GALNT7: variants seen among roughly 807,000 people sequenced by gnomAD.
GALNT7 encodes N-acetylgalactosaminyltransferase 7.
In GALNT7, 60 loss-of-function variants were observed where a neutral mutation model predicts 82.1. That is an observed-to-expected ratio of 0.73 (90% confidence interval 0.59 to 0.91). The LOEUF is 0.91. Ranked by LOEUF, GALNT7 falls within the 40% of genes least tolerant of loss-of-function variation. The pLI is 0.00. For synonymous variants in GALNT7, 243 were observed against 275.1 expected (o/e 0.88, Z 1.15); for missense variants, 660 against 804.2 (o/e 0.82, Z 2.17).
chr4:173,307,966 A>C (rs1737221882), intron 8 of GALNT7, among the ~76,000 whole-genome samples: 1 of 152,224 alleles, frequency 6.6e-6, no homozygotes, highest in South Asian at 2.1e-4. Context: ...AAGTGATGCC[A>C]GTGTCCTCTA....
chr4:173,173,717 G>A (rs1270222584), intron 1 of GALNT7, among the ~76,000 whole-genome samples: 2 of 152,200 alleles, frequency 1.3e-5, no homozygotes, highest in Non-Finnish European at 2.9e-5. Context: ...GTGAGAAGCT[G>A]TGTGTAAACT....
At chr4:173,275,942 C>T (rs972713036) in intron 2 of GALNT7, among the ~76,000 whole-genome samples, 3 of 152,112 alleles carry the variant, frequency 2.0e-5, no homozygotes, top group African/African-American at 7.2e-5. Flanking sequence ...AAAATGGGTC[C>T]TACCTTCCAA....
intron 1 of GALNT7, among the ~76,000 whole-genome samples, chr4:173,223,551 C>T (rs1419132882): frequency 6.6e-6 from 1 of 152,070 alleles, no homozygotes; most frequent in Non-Finnish European, 1.5e-5. Context: ...TTCCTTCACT[C>T]TTGGAATAAA....
At chr4:173,229,924 C>G (rs572405531) in intron 1 of GALNT7, among the ~76,000 whole-genome samples, 6 of 152,144 alleles carry the variant, frequency 3.9e-5, no homozygotes, top group African/African-American at 1.4e-4. Context: ...AATGCTTTGA[C>G]TGACACATTG....
At chr4:173,283,458 G>A (rs1736189970) in intron 2 of GALNT7, among the ~76,000 whole-genome samples, 1 of 151,902 alleles carries the variant, frequency 6.6e-6, no homozygotes, top group South Asian at 2.1e-4. Context: ...AGACCAACAT[G>A]GCAAAACCCC....
intron 1 of GALNT7, among the ~76,000 whole-genome samples, chr4:173,188,303 A>G (rs1247976246): frequency 6.6e-6 from 1 of 152,142 alleles, no homozygotes; most frequent in Admixed American, 6.5e-5. Flanking sequence ...TGCAGAGCCT[A>G]CCTTTTCAGG....
At chr4:173,173,000 G>T (rs978429654) in intron 1 of GALNT7, among the ~76,000 whole-genome samples, 2 of 152,154 alleles carry the variant, frequency 1.3e-5, no homozygotes, top group African/African-American at 4.8e-5. Flanking sequence ...AGGAGTCCTG[G>T]TGGGGGTCAT....
At chr4:173,307,235 C>T (rs919344620) in intron 8 of GALNT7, among the ~76,000 whole-genome samples, 1 of 152,188 alleles carries the variant, frequency 6.6e-6, no homozygotes, top group African/African-American at 2.4e-5. Flanking sequence ...CGGCAGTGGC[C>T]CTTGTAGAGT....
chr4:173,311,001 C>T (rs760444783), intron 8 of GALNT7, among the ~76,000 whole-genome samples: 39 of 152,166 alleles, frequency 2.6e-4, no homozygotes, highest in Non-Finnish European at 4.0e-4. Flanking sequence ...TGAGCCACCA[C>T]GCCCAGCCTA....
intron 1 of GALNT7, among the ~76,000 whole-genome samples, chr4:173,178,048 T>TGCGC (rs566263598): frequency 0.058 from 6,565 of 113,304 alleles, 165 homozygotes; most frequent in East Asian, 0.13. Flanking sequence ...TGTGTGTGTG[T>TGCGC]GTGTGCGCGC....
chr4:173,313,508 C>T (rs1263716718), intron 8 of GALNT7, among the ~76,000 whole-genome samples: 1 of 149,918 alleles, frequency 6.7e-6, no homozygotes, highest in African/African-American at 2.5e-5. Flanking sequence ...GAAGTTGAAG[C>T]TGCAATGAGC....
At chr4:173,282,455 A>G (rs1439992528) in intron 2 of GALNT7, 1 of 152,082 alleles carries the variant, frequency 6.6e-6, no homozygotes, top group Non-Finnish European at 1.5e-5. Flanking sequence ...CTTTTCAGGC[A>G]GACCGCTTCT....
At chr4:173,232,643 C>G (rs916137148) in intron 1 of GALNT7, among the ~76,000 whole-genome samples, 3 of 152,000 alleles carry the variant, frequency 2.0e-5, no homozygotes, top group South Asian at 4.2e-4. Flanking sequence ...TCTATGCTGC[C>G]GAGGCATGTC....
chr4:173,216,831 A>G (rs1579920391), intron 1 of GALNT7, among the ~76,000 whole-genome samples: 1 of 144,020 alleles, frequency 6.9e-6, no homozygotes, highest in Non-Finnish European at 1.5e-5. Flanking sequence ...CCCAGCTTCA[A>G]GTGATTCTCC....
intron 2 of GALNT7, among the ~76,000 whole-genome samples, chr4:173,271,941 A>G (rs1735742356): frequency 1.3e-5 from 2 of 152,166 alleles, no homozygotes; most frequent in African/African-American, 2.4e-5. Context: ...TATTTCATCC[A>G]TCCTTTATTT....
intron 1 of GALNT7, among the ~76,000 whole-genome samples, chr4:173,219,108 G>A (rs1353069777): frequency 7.2e-5 from 11 of 152,132 alleles, no homozygotes; most frequent in African/African-American, 2.6e-4. Context: ...CCAATGTGTA[G>A]TCTTTTATCC....
At position 173,250,767 on chromosome 4, in the gene GALNT7, C is replaced by T. The variant is rs116531781; in HGVS notation, c.587+2327C>T. On this transcript the variant is annotated intron_variant, in intron 2 of 11. Transcript: ENST00000265000. ...CCCCCACGCTGTGGCCCTTACCCAC[C>T]TTGCAGACCTCTTCTTGCTACTATA... Among the ~76,000 whole-genome samples the T allele has an allele frequency of 7.4e-3, 1,122 of 152,304 alleles. 19 individuals are homozygous for T. The highest frequency in any genetic ancestry group is 0.025 in the African/African-American group (1,030 of 41,570).
chr4:173,225,042 TAATA>T (rs1561161764), intron 1 of GALNT7, among the ~76,000 whole-genome samples: 20 of 148,656 alleles, frequency 1.3e-4, no homozygotes, highest in East Asian at 5.9e-4. Context: ...ATAATAATAA[TAATA>T]ATAATTATAA....
At chr4:173,306,151 C>T (rs567455271) in intron 8 of GALNT7, among the ~76,000 whole-genome samples, 8 of 152,044 alleles carry the variant, frequency 5.3e-5, no homozygotes, top group Admixed American at 2.0e-4. Flanking sequence ...TATTGTAAAT[C>T]GGATTGTTTT....
Sources: allele counts gnomAD v4.1 joint callset (sites outside exome capture counted in the v4.1 genomes callset), GRCh38; gene constraint gnomAD v4.1.1; transcripts MANE v1.5; gene names NCBI Gene and HGNC (gene_info 2026-07-23, HGNC 2026-07-21).